Variants in HEXB observed in about 807,000 individuals in gnomAD.
HEXB encodes the protein beta-hexosaminidase subunit beta.
In HEXB, 51 loss-of-function variants were observed where a neutral mutation model predicts 71.2. The ratio of observed to expected loss-of-function variants is 0.72; its 90% CI spans 0.57 to 0.90. The LOEUF (loss-of-function observed/expected upper bound fraction) is 0.90, where lower values mean the gene tolerates loss of function less well. Ranked by LOEUF, HEXB falls within the 40% of genes least tolerant of loss-of-function variation. The pLI is 0.00. For synonymous variants in HEXB, 266 were observed against 249.3 expected, an observed-to-expected ratio of 1.07 and a Z score of -0.63; for missense variants, 617 against 677.0, an observed-to-expected ratio of 0.91 and a Z score of 0.98.
chr5:74,673,110 A>G (rs1425336521), intron 1 of HEXB, among the ~76,000 whole-genome samples: 3 of 152,244 alleles, frequency 2.0e-5, no homozygotes, highest in Non-Finnish European at 4.4e-5. Flanking sequence ...TTGGGGAACA[A>G]GATAGTGTGG....
At chr5:74,673,498 T>C (rs938874961) in intron 1 of HEXB, among the ~76,000 whole-genome samples, 2 of 152,154 alleles carry the variant, frequency 1.3e-5, no homozygotes, top group Admixed American at 6.5e-5. Context: ...ACAAATTGTA[T>C]CACTGTCCAT....
At chr5:74,703,894 G>T (rs1749318961) in intron 5 of HEXB, among the ~76,000 whole-genome samples, 1 of 152,148 alleles carries the variant, frequency 6.6e-6, no homozygotes, top group African/African-American at 2.4e-5. Context: ...ATGCAGGCTG[G>T]TCTCAAACTC....
chr5:74,658,792 T>A (rs572985180), intron 1 of HEXB, among the ~76,000 whole-genome samples: 8 of 152,292 alleles, frequency 5.3e-5, no homozygotes, highest in Non-Finnish European at 1.2e-4. Flanking sequence ...ATCCTTTTCC[T>A]GCGATAACTA....
At chr5:74,655,524 C>T (rs1303894432) in intron 1 of HEXB, among the ~76,000 whole-genome samples, 2 of 151,854 alleles carry the variant, frequency 1.3e-5, no homozygotes, top group African/African-American at 4.8e-5. Context: ...TTAGTAGAGA[C>T]AGGATTTCAG....
intron 5 of HEXB, among the ~76,000 whole-genome samples, chr5:74,701,933 G>A (rs1452022988): frequency 6.6e-5 from 10 of 151,786 alleles, no homozygotes; most frequent in Non-Finnish European, 2.9e-5. Context: ...CATCTAATAC[G>A]CAGACCCCAT....
At chr5:74,670,687 C>G (rs1190354817) in intron 1 of HEXB, among the ~76,000 whole-genome samples, 1 of 152,224 alleles carries the variant, frequency 6.6e-6, no homozygotes, top group Non-Finnish European at 1.5e-5. Context: ...AATTAGCACT[C>G]TGTAACACCC....
At chr5:74,685,160 G>T (rs1215687072), upstream of HEXB, 6 of 1,286,884 alleles carry the variant, frequency 4.7e-6, no homozygotes, top group African/African-American at 7.9e-5. Flanking sequence ...ATCTGACTCG[G>T]TGACTCACCC....
intron 6 of HEXB, among the ~76,000 whole-genome samples, chr5:74,708,479 A>C (rs1264028664): frequency 1.3e-5 from 2 of 150,414 alleles, no homozygotes; most frequent in Non-Finnish European, 3.0e-5. Flanking sequence ...TGCTCCAATT[A>C]AAAGACACAG....
At chr5:74,713,693 T>A (rs1203508109) in intron 7 of HEXB, 58 bp downstream of exon 7, 2 of 1,432,472 alleles carry the variant, frequency 1.4e-6, no homozygotes, top group East Asian at 4.7e-5. Flanking sequence ...AGATGGAGTC[T>A]TGTTCTGTCA....
At chr5:74,664,434 A>T (rs1309325204) in intron 1 of HEXB, among the ~76,000 whole-genome samples, 3 of 68,392 alleles carry the variant, frequency 4.4e-5, no homozygotes, top group South Asian at 4.5e-4. Context: ...TATCTCTAAA[A>T]AAAAAAAAAA....
upstream of HEXB, among the ~76,000 whole-genome samples, chr5:74,684,098 C>T (rs1748793526): frequency 6.6e-6 from 1 of 152,158 alleles, no homozygotes; most frequent in African/African-American, 2.4e-5. Context: ...GGATTTCAGG[C>T]GTGAGCCGCC....
At chr5:74,649,761 A>C (rs543683279) in intron 1 of HEXB, among the ~76,000 whole-genome samples, 1 of 152,322 alleles carries the variant, frequency 6.6e-6, no homozygotes, top group South Asian at 2.1e-4. Context: ...ACCATAGTTG[A>C]TTGAATGTCT....
chr5:74,673,230 TC>T (rs1201986091), intron 1 of HEXB, among the ~76,000 whole-genome samples: 5 of 152,200 alleles, frequency 3.3e-5, no homozygotes, highest in African/African-American at 1.2e-4. Flanking sequence ...CAGATTTAAC[TC>T]CAAGCCGTCT....
intron 7 of HEXB, among the ~76,000 whole-genome samples, chr5:74,715,297 A>C (rs964687591): frequency 6.6e-6 from 1 of 152,184 alleles, no homozygotes; most frequent in African/African-American, 2.4e-5. Flanking sequence ...CATAGATAAA[A>C]TCTCAGATAT....
At chr5:74,689,684 A>C (rs1050402773) in intron 2 of HEXB, 2 of 587,632 alleles carry the variant, frequency 3.4e-6, no homozygotes, top group Non-Finnish European at 6.0e-6. Flanking sequence ...AGAAGAAGAA[A>C]TAAATCACTC....
chr5:74,715,754 C>A (rs927191770), intron 8 of HEXB, 64 bp downstream of exon 8: 5 of 1,160,916 alleles, frequency 4.3e-6, no homozygotes, highest in Admixed American at 1.8e-5. Flanking sequence ...CGGTGGCTCA[C>A]GCCTATAATC....
chr5:74,705,112 A>G (rs940559117), intron 5 of HEXB, 107 bp from the exon 6 acceptor site: 2 of 608,680 alleles, frequency 3.3e-6, no homozygotes, highest in East Asian at 3.2e-5. Flanking sequence ...AAAAAAAAAA[A>G]GTTTTAAAGG....
intron 1 of HEXB, among the ~76,000 whole-genome samples, chr5:74,653,293 C>T (rs1433502501): frequency 6.6e-6 from 1 of 152,126 alleles, no homozygotes; most frequent in East Asian, 1.9e-4. Flanking sequence ...AAGTAGCTGT[C>T]CCTCAATTTA....
chr5:74,682,962 A>G (rs996457566), upstream of HEXB, among the ~76,000 whole-genome samples: 1 of 152,356 alleles, frequency 6.6e-6, no homozygotes, highest in Admixed American at 6.5e-5. Context: ...TCAAAGACCC[A>G]GGAAAAGCTG....
Sources: gnomAD v4.1 joint callset for allele counts (sites outside exome capture counted in the v4.1 genomes callset) on GRCh38, gnomAD v4.1.1 for gene constraint, MANE v1.5 for transcripts, NCBI Gene and HGNC (gene_info 2026-07-23, HGNC 2026-07-21) for gene names.